FBXO41: variants seen among roughly 807,000 people sequenced by gnomAD.
FBXO41 encodes the protein F-box protein 41.
FBXO41 carries 33 observed loss-of-function variants against 81.6 expected under a neutral mutation model. The observed-to-expected ratio is 0.40, with a 90% CI of 0.31 to 0.54. The LOEUF is 0.54. Among genes scored for constraint, FBXO41 ranks in the 20% least tolerant of loss-of-function variants. The pLI, the probability that FBXO41 is intolerant of heterozygous loss-of-function variation, is 0.39. For synonymous variants in FBXO41, 576 were observed against 552.7 expected, an observed-to-expected ratio of 1.04 and a Z score of -0.59; for missense variants, 1,107 against 1,236.0, an observed-to-expected ratio of 0.90 and a Z score of 1.56.
In FBXO41 at chr2:73,269,329, G is replaced by T; in HGVS notation, c.302C>A (p.Ala101Glu). Reference protein sequence around the residue: ...GKEQAAGPSPAAPHLLHHHHH... With the variant: ...GKEQAAGPSPEAPHLLHHHHH... ...GTGGTGGTGCAGCAGGTGCGGCGCCGCGGGCGACGGCCCGGCCGCCTGCTC... is the reference window on the plus strand; with the variant it reads ...GTGGTGGTGCAGCAGGTGCGGCGCCTCGGGCGACGGCCCGGCCGCCTGCTC... The change falls in exon 2 of 13, where the codon GCG (alanine) becomes GAG (glutamate). Residue 101 changes from alanine (A) to glutamate (E), a missense_variant. Around this residue, in one of 2 missense-constraint regions of FBXO41, gnomAD observed 771 missense variants for 789.2 expected, o/e 0.98. Coordinates refer to ENST00000520530, the MANE Select transcript of FBXO41 (RefSeq NM_001371389.2). The surrounding 1 kb of genome is among the most constrained non-coding windows in gnomAD (Gnocchi z 7.0). 1.3e-6 allele frequency: 2 copies of T among 1,523,502 alleles called. No homozygotes were observed. Among genetic ancestry groups the T allele is most frequent in the Non-Finnish European group, 1.8e-6 (2 of 1,136,298 alleles). 94.4% of individuals were successfully genotyped at this position (1,523,502 alleles called of 1,614,324 possible). A position where few individuals can be genotyped will look rare whatever the true frequency, so the allele number is the denominator to read the frequency against.
At chr2:73,264,814 G>A (rs974563367) in intron 5 of FBXO41, among the ~76,000 whole-genome samples, 1 of 151,780 alleles carries the variant, frequency 6.6e-6, no homozygotes, top group Admixed American at 6.6e-5. Flanking sequence ...GAAAGGGGTT[G>A]GGGGGGCGGT....
chr2:73,264,219 C>G, intron 6 of FBXO41, 59 bp downstream of exon 6: 2 of 1,608,290 alleles, frequency 1.2e-6, no homozygotes, highest in Non-Finnish European at 1.7e-6. Flanking sequence ...GGGCCAGATT[C>G]TACCCAGGGG....
In FBXO41 at chr2:73,259,144, C is replaced by A; in HGVS notation, c.2565+37G>T. ...CACCAGCCCCAGTCTAGGGATGCCA[C>A]TTGGGGTCTTGGACAGCCTCAGAGC... On this transcript the variant is annotated intron_variant, in intron 12 of 12. Coordinates refer to ENST00000520530, the MANE Select transcript of FBXO41 (RefSeq NM_001371389.2). The surrounding 1 kb of genome is among the most constrained non-coding windows in gnomAD (Gnocchi z 4.2). 6.2e-7 allele frequency: 1 copy of A among 1,612,714 alleles called. No individual in the cohort carries two copies. Among genetic ancestry groups the A allele is most frequent in the Non-Finnish European group, 8.5e-7 (1 of 1,178,750 alleles).
intron 1 of FBXO41, among the ~76,000 whole-genome samples, chr2:73,283,611 G>A (rs2103925264): frequency 6.6e-6 from 1 of 152,320 alleles, no homozygotes; most frequent in South Asian, 2.1e-4. Flanking sequence ...GCGGAGGGGC[G>A]CACACATTCA....
Position 73,266,318 on chromosome 2 carries a change from T to C in FBXO41, c.1131+139A>G. ...CTGCCCAATCAAAGGGGCTCCCCTG[T>C]TCCTGGCATCTGCTGGTGGGGTAAA... On this transcript the variant is annotated intron_variant, in intron 3 of 12. Transcript: ENST00000520530. This position sits in a 1 kb window ranked among gnomAD's most constrained non-coding sequence, Gnocchi z 5.3. 2.8e-6 allele frequency: 3 copies of C among 1,068,588 alleles called. No homozygotes were observed. The allele number at this position is 1,068,588 out of a possible 1,614,324, so 66.2% of individuals were successfully genotyped here. A position where few individuals can be genotyped will look rare whatever the true frequency, so the allele number is the denominator to read the frequency against.
intron 9 of FBXO41, among the ~76,000 whole-genome samples, chr2:73,262,471 T>C (rs1688052738): frequency 6.6e-6 from 1 of 152,238 alleles, no homozygotes; most frequent in South Asian, 2.1e-4. Context: ...GATTCTCCAA[T>C]GACCAGCTCT....
At chr2:73,265,047 G>A (rs1016317581) in intron 5 of FBXO41, among the ~76,000 whole-genome samples, 1 of 152,150 alleles carries the variant, frequency 6.6e-6, no homozygotes, top group South Asian at 2.1e-4. Flanking sequence ...ATGTTGATGA[G>A]CCTACCACGT....
chr2:73,263,181 C>T, intron 9 of FBXO41, 32 bp downstream of exon 9: 1 of 1,536,902 alleles, frequency 6.5e-7, no homozygotes. Flanking sequence ...ACCGTGTCCC[C>T]CCTCCTATCC....
Position 73,260,763 on chromosome 2 carries a change from C to A in FBXO41, c.2267G>T (p.Gly756Val). ...ACCGAGTGATGCCAGGCCCTGCACC[C>A]CACAGCCGGCACCCCCGACCCCCAG... ...RALGVGGAGC[G>V]VQGLASLARN... is the part of the protein sequence containing the mutation. The change falls in exon 10 of 13, where the codon GGG becomes GTG. Residue 756 changes from glycine to valine, a missense_variant. Coordinates refer to ENST00000520530, the MANE Select transcript of FBXO41 (RefSeq NM_001371389.2). The surrounding 1 kb of genome is among the most constrained non-coding windows in gnomAD (Gnocchi z 5.0). 6.4e-7 allele frequency: 1 copy of A among 1,555,598 alleles called. No homozygotes were observed. Among genetic ancestry groups the A allele is most frequent in the East Asian group, 2.4e-5 (1 of 41,610 alleles).
rs777042033 is a variant in FBXO41, at chr2:73,263,935, C to T, written c.1922+3G>A. The T allele has an allele frequency of 3.1e-6, 5 of 1,612,048 alleles. No individual in the cohort carries two copies. The highest frequency in any genetic ancestry group is 3.4e-6 in the Non-Finnish European group (4 of 1,178,980). On this transcript the variant is annotated splice_donor_region_variant and intron_variant, in intron 7 of 12. Transcript: ENST00000520530. ...CCCACCACCCACCCATCGCAGGCCT[C>T]ACCGGGTGCTCCGGGCATACTCCTC...
rs1456955277 is a variant in FBXO41 at position 73,266,217 on chromosome 2, G to A, written c.1131+240C>T. On this transcript the variant is annotated intron_variant, in intron 3 of 12. Transcript: ENST00000520530. The surrounding 1 kb of genome is among the most constrained non-coding windows in gnomAD (Gnocchi z 5.3). ...CTCCTGGACTCTCATTTGCAGGGAT[G>A]GGCAGAGATAGCCCCCGAGGGCTGG... Among the ~76,000 whole-genome samples the A allele has an allele frequency of 4.6e-5, 7 of 152,172 alleles. 1 individual carries two copies. In the South Asian group the frequency reaches 1.2e-3, roughly 27 times the overall value.
rs1687884204 is a variant in FBXO41 at position 73,258,235 on chromosome 2, G to C, written c.*747C>G. ...GCTTTGAATTTAGCTCTGGTGTGCG[G>C]TGGGGTATGAGGTTGGGAGGAGGGG... On this transcript the variant is annotated 3_prime_UTR_variant, in exon 13 of 13. Transcript: ENST00000520530. 6.6e-6 allele frequency: 1 copy of C among 152,348 alleles called. No individual in the cohort carries two copies. The highest frequency in any genetic ancestry group is 2.1e-4 in the South Asian group (1 of 4,834). The allele number at this position is 152,348 out of a possible 1,614,324, so 9.4% of individuals were successfully genotyped here.
chr2:73,258,775 A>G lies in FBXO41; in HGVS notation c.*207T>C, dbSNP rs1687905717. The G allele has an allele frequency of 1.8e-6, 1 of 559,240 alleles. No individual in the cohort carries two copies. The highest frequency in any genetic ancestry group is 1.9e-5 in the African/African-American group (1 of 53,350). 34.6% of individuals were successfully genotyped at this position (559,240 alleles called of 1,614,324 possible). ...GGGGGTCGGAGGGCAGCTTCTGTCC[A>G]AGCCCCTGTACTGGGGAGGCAGTGC... On this transcript the variant is annotated 3_prime_UTR_variant, in exon 13 of 13. Transcript: ENST00000520530.
chr2:73,273,723 T>C (rs1364934275), intron 1 of FBXO41, among the ~76,000 whole-genome samples: 2 of 152,212 alleles, frequency 1.3e-5, no homozygotes, highest in Admixed American at 6.5e-5. Flanking sequence ...CATCCAGATG[T>C]GCCTGAAGCT....
chr2:73,282,375 G>A (rs1045807298), intron 1 of FBXO41, among the ~76,000 whole-genome samples: 1 of 152,176 alleles, frequency 6.6e-6, no homozygotes, highest in Non-Finnish European at 1.5e-5. Context: ...AAGGCAGGAT[G>A]GTAATTACTT....
At chr2:73,271,666 T>A (rs1056806126) in intron 1 of FBXO41, among the ~76,000 whole-genome samples, 2 of 144,962 alleles carry the variant, frequency 1.4e-5, no homozygotes, top group Non-Finnish European at 3.0e-5. Flanking sequence ...AGTCTCACTC[T>A]TTCACCTGGG....
At chr2:73,265,056 G>A (rs966383313) in intron 5 of FBXO41, among the ~76,000 whole-genome samples, 9 of 152,244 alleles carry the variant, frequency 5.9e-5, no homozygotes, top group South Asian at 2.1e-4. Context: ...AGCCTACCAC[G>A]TGAATGGCCC....
Position 73,269,743 on chromosome 2 carries a change from GGCGC to G in FBXO41, c.-117_-114del. The G allele has an allele frequency of 1.5e-6, 1 of 660,182 alleles. No individual in the cohort carries two copies. Among genetic ancestry groups the G allele is most frequent in the Non-Finnish European group, 2.0e-6 (1 of 508,218 alleles). The allele number at this position is 660,182 out of a possible 1,614,324, so 40.9% of individuals were successfully genotyped here. On this transcript the variant is annotated 5_prime_UTR_variant, in exon 2 of 13. Coordinates refer to ENST00000520530, the MANE Select transcript of FBXO41 (RefSeq NM_001371389.2). The surrounding 1 kb of genome is among the most constrained non-coding windows in gnomAD (Gnocchi z 7.0). ...CCCCTGCGGGGTCAGGAAGGCTCAG[GGCGC>G]CCGCGGCCTGGGGCGAGGAGGCTGG...
In FBXO41 at chr2:73,269,701, G is replaced by A. The variant is rs1398626710; in HGVS notation, c.-71C>T. On this transcript the variant is annotated 5_prime_UTR_variant, in exon 2 of 13. Transcript: ENST00000520530. This position sits in a 1 kb window ranked among gnomAD's most constrained non-coding sequence, Gnocchi z 7.0. Reference sequence around the variant, plus strand: ...GCCGGTCAGCCGGGCGCGCTCATGGGGGACCGCGGGCGAGGCCCCCTGCGG... The same window carrying A: ...GCCGGTCAGCCGGGCGCGCTCATGGAGGACCGCGGGCGAGGCCCCCTGCGG... 1.4e-5 allele frequency: 15 copies of A among 1,081,400 alleles called. No individual in the cohort carries two copies. The highest frequency in any genetic ancestry group is 5.1e-5 in the Admixed American group (1 of 19,706). 67.0% of individuals were successfully genotyped at this position (1,081,400 alleles called of 1,614,324 possible). A position where few individuals can be genotyped will look rare whatever the true frequency, so the allele number is the denominator to read the frequency against.
Sources: allele counts gnomAD v4.1 joint callset (sites outside exome capture counted in the v4.1 genomes callset), GRCh38; gene constraint gnomAD v4.1.1; regional missense constraint gnomAD v4.1.1; non-coding constraint Gnocchi (gnomAD v3.1); transcripts MANE v1.5; gene names NCBI Gene and HGNC (gene_info 2026-07-23, HGNC 2026-07-21).